The following AKAP11 variants were observed in gnomAD, a reference collection of about 807,000 sequenced individuals.
The protein encoded by AKAP11 is A-kinase anchor protein 11.
AKAP11 carries 36 observed loss-of-function variants against 146.1 expected under a neutral mutation model. The observed-to-expected ratio is 0.25, with a 90% CI of 0.19 to 0.33. The LOEUF is 0.33. Among genes scored for constraint, AKAP11 ranks in the 10% least tolerant of loss-of-function variants. The probability of loss-of-function intolerance (pLI) is 1.00; values close to 1 mark genes in which losing one functional copy is unlikely to be tolerated. For synonymous variants in AKAP11, 780 were observed against 786.5 expected (o/e 0.99, Z 0.14); for missense variants, 2,201 against 2,197.0 (o/e 1.00, Z -0.04).
At position 42,303,365 on chromosome 13, in the gene AKAP11, T is replaced by C; in HGVS notation, c.4619T>C (p.Val1540Ala). Reference sequence around the variant, plus strand: ...TGTGGAGACAATGTTGTTCAAGCTGTAGAACAGTATGCCAAAAAAGTAGTG... The same window carrying C: ...TGTGGAGACAATGTTGTTCAAGCTGCAGAACAGTATGCCAAAAAAGTAGTG... ...YGCGDNVVQA[V>A]EQYAKKVVDD... The change falls in exon 8 of 13, where the codon GTA becomes GCA. Residue 1540 changes from valine (V) to alanine (A), a missense_variant. Physicochemically the swap from Val to Ala is moderately conservative, Grantham distance 64 (BLOSUM62 0). Coordinates refer to ENST00000025301, the MANE Select transcript of AKAP11 (RefSeq NM_016248.4). 6.2e-7 allele frequency: 1 copy of C among 1,613,264 alleles called. No homozygotes were observed. Among genetic ancestry groups the C allele is most frequent in the Non-Finnish European group, 8.5e-7 (1 of 1,180,036 alleles).
At position 42,298,702 on chromosome 13, in the gene AKAP11, A is replaced by T; in HGVS notation, c.521A>T (p.Asp174Val). The change falls in exon 7 of 13, where the codon GAT becomes GTT. Residue 174 changes from aspartate (D) to valine (V), a missense_variant. Physicochemically the swap from Asp to Val is radical, Grantham distance 152 (BLOSUM62 -3). This residue lies in a region of AKAP11 where 331 missense variants were observed against 347.4 expected (regional missense o/e 0.95). Transcript: ENST00000025301. ...HQLETTDEDD[D>V]DTNQSVSSIE... ...CTTGAGACCACTGATGAAGATGATGATGATACTAACCAGTCTGTGTCATCC... is the reference window on the plus strand; with the variant it reads ...CTTGAGACCACTGATGAAGATGATGTTGATACTAACCAGTCTGTGTCATCC... The T allele has an allele frequency of 6.2e-7, 1 of 1,611,768 alleles. No individual in the cohort carries two copies. The highest frequency in any genetic ancestry group is 8.5e-7 in the Non-Finnish European group (1 of 1,179,154).
intron 8 of AKAP11, among the ~76,000 whole-genome samples, chr13:42,304,716 G>A (rs2138630728): frequency 6.6e-6 from 1 of 151,656 alleles, no homozygotes; most frequent in African/African-American, 2.4e-5. Context: ...GTCCTACAGT[G>A]TCCTGTTTTT....
intron 1 of AKAP11, among the ~76,000 whole-genome samples, chr13:42,278,853 C>T (rs1375619): frequency 0.12 from 18,743 of 151,652 alleles, 1,295 homozygotes; most frequent in South Asian, 0.17. Flanking sequence ...TGAATTTTCA[C>T]GGCCCTTATT....
At chr13:42,305,858 G>A (rs907258597) in intron 8 of AKAP11, among the ~76,000 whole-genome samples, 1 of 152,232 alleles carries the variant, frequency 6.6e-6, no homozygotes, top group African/African-American at 2.4e-5. Flanking sequence ...GAGACTTACA[G>A]TCATGGCACA....
intron 9 of AKAP11, 120 bp downstream of exon 9, chr13:42,308,729 GTATTT>G: frequency 1.3e-6 from 1 of 771,600 alleles, no homozygotes; most frequent in Non-Finnish European, 1.9e-6. Flanking sequence ...CTTTCAAAAT[GTATTT>G]TATTATTCAC....
chr13:42,314,173 G>A (rs1196797896), intron 11 of AKAP11, among the ~76,000 whole-genome samples: 4 of 152,132 alleles, frequency 2.6e-5, no homozygotes, highest in African/African-American at 4.8e-5. Context: ...GGGCAGGCAC[G>A]GTGGCTTACG....
At chr13:42,296,184 CA>C (rs1200227397) in intron 5 of AKAP11, among the ~76,000 whole-genome samples, 1 of 152,152 alleles carries the variant, frequency 6.6e-6, no homozygotes, top group East Asian at 1.9e-4. Context: ...GTGATTCCTA[CA>C]TATTTCCTTT....
At chr13:42,311,219 A>G (rs1960547685) in intron 9 of AKAP11, among the ~76,000 whole-genome samples, 1 of 152,200 alleles carries the variant, frequency 6.6e-6, no homozygotes, top group Admixed American at 6.5e-5. Flanking sequence ...TACTTATACC[A>G]CTGGTTGGAG....
intron 9 of AKAP11, among the ~76,000 whole-genome samples, chr13:42,310,403 G>T (rs1224797499): frequency 6.6e-6 from 1 of 152,168 alleles, no homozygotes; most frequent in East Asian, 1.9e-4. Context: ...CTGAGAATCT[G>T]CATGCTTGAT....
At chr13:42,284,564 T>G (rs1052339456) in intron 1 of AKAP11, among the ~76,000 whole-genome samples, 4 of 152,256 alleles carry the variant, frequency 2.6e-5, no homozygotes, top group Admixed American at 1.3e-4. Flanking sequence ...AAACTTTGTT[T>G]TGATAATTTT....
intron 9 of AKAP11, 138 bp from the exon 10 acceptor site, chr13:42,312,909 C>A: frequency 1.5e-6 from 1 of 685,212 alleles, no homozygotes; most frequent in Non-Finnish European, 2.5e-6. Flanking sequence ...TGGTCAATCT[C>A]CTCTCTGGAT....
chr13:42,284,744 G>A (rs1959132819), intron 1 of AKAP11, among the ~76,000 whole-genome samples: 1 of 152,174 alleles, frequency 6.6e-6, no homozygotes, highest in South Asian at 2.1e-4. Context: ...CAGAGACATT[G>A]CAGTTTACCC....
At chr13:42,306,578 C>T (rs1566285764) in intron 8 of AKAP11, among the ~76,000 whole-genome samples, 1 of 152,138 alleles carries the variant, frequency 6.6e-6, no homozygotes, top group Non-Finnish European at 1.5e-5. Flanking sequence ...AATAATTGTG[C>T]TAGGGTTCTG....
rs1959824041 is a variant in AKAP11, at chr13:42,300,693, T to C, written c.1947T>C (p.Asp649=). ...FTNTVARFAA[D]LAEELVFEGI... is the part of the protein sequence containing the mutation. ...ACACAGTTGCTAGGTTTGCTGCAGA[T>C]CTTGCTGAAGAGCTTGTTTTTGAAG... is the stretch of plus-strand genomic sequence containing the variant. The change falls in exon 8 of 13, where the codon GAT becomes GAC. Residue 649 remains aspartate, a synonymous_variant. Coordinates refer to ENST00000025301, the MANE Select transcript of AKAP11 (RefSeq NM_016248.4). The C allele has an allele frequency of 6.2e-7, 1 of 1,613,984 alleles. No individual in the cohort carries two copies. Among genetic ancestry groups the C allele is most frequent in the Non-Finnish European group, 8.5e-7 (1 of 1,179,966 alleles).
At chr13:42,274,575 T>A (rs1958868572) in intron 1 of AKAP11, among the ~76,000 whole-genome samples, 1 of 151,226 alleles carries the variant, frequency 6.6e-6, no homozygotes, top group Non-Finnish European at 1.5e-5. Context: ...TCCCATCTAG[T>A]CGAGAGGCTG....
intron 1 of AKAP11, among the ~76,000 whole-genome samples, chr13:42,275,877 A>C (rs1958903460): frequency 1.3e-5 from 2 of 152,176 alleles, no homozygotes; most frequent in Non-Finnish European, 2.9e-5. Flanking sequence ...ACCGTGTGGC[A>C]GGTACTGTGA....
chr13:42,277,511 T>A (rs1166511317), intron 1 of AKAP11, among the ~76,000 whole-genome samples: 6 of 152,238 alleles, frequency 3.9e-5, no homozygotes, highest in Non-Finnish European at 1.5e-5. Flanking sequence ...ACATACCTTA[T>A]AAGTAGATCT....
At chr13:42,317,735 G>A in intron 12 of AKAP11, 47 bp downstream of exon 12, 2 of 1,572,188 alleles carry the variant, frequency 1.3e-6, no homozygotes, top group Non-Finnish European at 1.7e-6. Flanking sequence ...AACAGTATAT[G>A]ATGTTCTTGT....
chr13:42,281,654 G>T (rs550243066), intron 1 of AKAP11, among the ~76,000 whole-genome samples: 1 of 151,992 alleles, frequency 6.6e-6, no homozygotes, highest in South Asian at 2.1e-4. Context: ...AAACACCCAT[G>T]ATTGTATCTA....
Sources: allele counts gnomAD v4.1 joint callset (sites outside exome capture counted in the v4.1 genomes callset), GRCh38; gene constraint gnomAD v4.1.1; regional missense constraint gnomAD v4.1.1; transcripts MANE v1.5; gene names NCBI Gene and HGNC (gene_info 2026-07-23, HGNC 2026-07-21).